DUSP9: variants seen among roughly 807,000 people sequenced by gnomAD.
The protein encoded by DUSP9 is dual specificity protein phosphatase 9.
A neutral mutation model predicts 13.2 loss-of-function variants in DUSP9; 4 were observed. The observed-to-expected ratio is 0.30, with a 90% confidence interval of 0.15 to 0.69. DUSP9 has a LOEUF of 0.69. DUSP9 is among the 30% of genes least tolerant of loss of function. The pLI is 0.73. For missense variants in DUSP9, 263 were observed against 355.0 expected (o/e 0.74, Z 2.08); for synonymous variants, 166 against 172.3 (o/e 0.96, Z 0.29).
At chrX:153,649,760 C>A in intron 3 of DUSP9, 73 bp downstream of exon 3, 1 of 920,208 alleles carries the variant, frequency 1.1e-6, no homozygotes, top group Non-Finnish European at 1.5e-6. Context: ...TGTGAGTACT[C>A]CTCCCAAGCC....
upstream of DUSP9, among the ~76,000 whole-genome samples, chrX:153,644,711 A>G (rs1344579467): frequency 8.9e-6 from 1 of 112,489 alleles, no homozygotes; most frequent in Non-Finnish European, 1.9e-5. Context: ...CTCCGCAGTT[A>G]GGTGCAGGGG....
upstream of DUSP9, among the ~76,000 whole-genome samples, chrX:153,645,042 C>T (rs1006549746): frequency 2.7e-5 from 3 of 113,079 alleles, no homozygotes; most frequent in Non-Finnish European, 3.7e-5. Context: ...TCTGAGCTCC[C>T]ACCCACAGCT....
upstream of DUSP9, among the ~76,000 whole-genome samples, chrX:153,646,986 G>A (rs1282383385): frequency 5.3e-5 from 6 of 112,432 alleles, no homozygotes; most frequent in Admixed American, 4.6e-4. Context: ...CCGGCCAGGG[G>A]AGCCGCAGCT....
chrX:153,647,456 A>C, intron 1 of DUSP9, 31 bp downstream of exon 1: 1 of 96,181 alleles, frequency 1.0e-5, no homozygotes, highest in Non-Finnish European at 2.1e-5. Flanking sequence ...TCCTAGGGGT[A>C]GGGGGAGATG....
rs2091194390 is a variant in DUSP9 at position 153,647,874 on chromosome X, C to T, written c.-35-45C>T. On this transcript the variant is annotated intron_variant, in intron 1 of 3. Transcript: ENST00000342782. ...GGGGCCGGCTTCAAGTCTGAGCCCC[C>T]TCGGCCCTCCGGTAGCTCACACCGC... 2.1e-6 allele frequency: 2 copies of T among 943,531 alleles called. 1 individual carries two copies. The highest frequency in any genetic ancestry group is 2.7e-6 in the Non-Finnish European group (2 of 754,524). 77.8% of individuals were successfully genotyped at this position (943,531 alleles called of 1,213,427 possible). A position where few individuals can be genotyped will look rare whatever the true frequency, so the allele number is the denominator to read the frequency against.
intron 2 of DUSP9, 67 bp from the exon 3 acceptor site, chrX:153,649,165 C>T (rs1569538010): frequency 2.8e-6 from 3 of 1,067,449 alleles, no homozygotes; most frequent in Non-Finnish European, 2.6e-6. Context: ...ATCTCCCCAG[C>T]CCCAGACAGA....
At position 153,650,325 on chromosome X, in the gene DUSP9, C is replaced by T. The variant is rs782021024; in HGVS notation, c.*20C>T. 2.0e-4 allele frequency: 216 copies of T among 1,088,163 alleles called. No homozygotes were observed. The highest frequency in any genetic ancestry group is 2.4e-4 in the Non-Finnish European group (195 of 817,465). The allele number at this position is 1,088,163 out of a possible 1,213,427, so 89.7% of individuals were successfully genotyped here. On this transcript the variant is annotated 3_prime_UTR_variant, in exon 4 of 4. Coordinates refer to ENST00000342782, the MANE Select transcript of DUSP9 (RefSeq NM_001318503.2). The stretch of plus-strand genomic sequence containing the variant: ...ACCTAGGGCCCCGTGGCCGGCAGGC[C>T]GGCCCCTGCCCCACCCCCACCCACG...
chrX:153,647,005 G>C (rs1296713455), upstream of DUSP9, among the ~76,000 whole-genome samples: 2 of 112,272 alleles, frequency 1.8e-5, no homozygotes, highest in Non-Finnish European at 3.8e-5. Flanking sequence ...CTGGTCCCCT[G>C]CTGGGCCCCT....
At chrX:153,645,222 C>G (rs2091184141), upstream of DUSP9, among the ~76,000 whole-genome samples, 1 of 112,965 alleles carries the variant, frequency 8.9e-6, no homozygotes, top group Non-Finnish European at 1.9e-5. Context: ...CTACTGGCTC[C>G]GAGTTGGGAA....
chrX:153,642,566 C>G (rs970617054), upstream of DUSP9: 1 of 112,350 alleles, frequency 8.9e-6, no homozygotes, highest in South Asian at 3.6e-4. Flanking sequence ...GGAAACTTCC[C>G]GGCCGCGACG....
At chrX:153,647,591 G>C (rs1471226591) in intron 1 of DUSP9, 166 bp downstream of exon 1, 4 of 132,171 alleles carry the variant, frequency 3.0e-5, no homozygotes, top group Non-Finnish European at 4.5e-5. Flanking sequence ...CTCCTCGCAC[G>C]CACACCCCCA....
Position 153,650,343 on chromosome X carries a change from C to T in DUSP9, c.*38C>T. Reference sequence around the variant, plus strand: ...GGCAGGCCGGCCCCTGCCCCACCCCCACCCACGGGTGTCCCTGCCCACTCG... The same window carrying T: ...GGCAGGCCGGCCCCTGCCCCACCCCTACCCACGGGTGTCCCTGCCCACTCG... On this transcript the variant is annotated 3_prime_UTR_variant, in exon 4 of 4. Transcript: ENST00000342782. 9.9e-7 allele frequency: 1 copy of T among 1,008,608 alleles called. No homozygotes were observed. The highest frequency in any genetic ancestry group is 3.2e-5 in the Admixed American group (1 of 31,512). The allele number at this position is 1,008,608 out of a possible 1,213,427, so 83.1% of individuals were successfully genotyped here. A position where few individuals can be genotyped will look rare whatever the true frequency, so the allele number is the denominator to read the frequency against.
At chrX:153,647,898 G>A in intron 1 of DUSP9, 21 bp from the exon 2 acceptor site, 3 of 977,938 alleles carry the variant, frequency 3.1e-6, no homozygotes, top group Non-Finnish European at 3.9e-6. Flanking sequence ...AGCTCACACC[G>A]CGCCTTCTCT....
In DUSP9 at chrX:153,650,670, T is replaced by TCCCGCCCCTGTCCCCAAGG; in HGVS notation, c.*365_*366insCCCGCCCCTGTCCCCAAGG. 1 of 73,441 alleles carries TCCCGCCCCTGTCCCCAAGG rather than the reference T, an allele frequency of 1.4e-5. No individual in the cohort carries two copies. The highest frequency in any genetic ancestry group is 3.5e-5 in the Non-Finnish European group (1 of 28,352). 6.1% of individuals were successfully genotyped at this position (73,441 alleles called of 1,213,427 possible). On this transcript the variant is annotated 3_prime_UTR_variant, in exon 4 of 4. Coordinates refer to ENST00000342782, the MANE Select transcript of DUSP9 (RefSeq NM_001318503.2). ...GCCACCTCGTTGCACTGGATCCCAGTGGCTGCTTGGGGGAGAGGCGTTTGC... is the reference window on the plus strand; with the variant it reads ...GCCACCTCGTTGCACTGGATCCCAGTCCCGCCCCTGTCCCCAAGGGGCTGCTTGGGGGAGAGGCGTTTGC...
At chrX:153,643,392 G>C (rs1161817548), upstream of DUSP9, 2 of 321,060 alleles carry the variant, frequency 6.2e-6, no homozygotes, top group Admixed American at 7.5e-5. Context: ...TCCCTGCCAG[G>C]CACCTCTGGC....
upstream of DUSP9, chrX:153,643,593 G>T (rs72616448): frequency 2.2e-5 from 7 of 316,185 alleles, no homozygotes; most frequent in Non-Finnish European, 2.5e-5. Context: ...GAGAGAGCCC[G>T]GCGCTGAAAT....
upstream of DUSP9, chrX:153,647,161 C>A (rs1557035627): frequency 3.5e-5 from 4 of 113,008 alleles, no homozygotes; most frequent in Non-Finnish European, 7.5e-5. Context: ...CCGCCCCGGC[C>A]CGCCCCTCGG....
At position 153,650,072 on chromosome X, in the gene DUSP9, A is replaced by C. The variant is rs1557036254; in HGVS notation, c.922A>C (p.Lys308Gln). 3.3e-6 allele frequency: 4 copies of C among 1,211,367 alleles called. No individual in the cohort carries two copies. The highest frequency in any genetic ancestry group is 4.5e-6 in the Non-Finnish European group (4 of 895,404). Residue 308 changes from lysine (K) to glutamine (Q), a missense_variant, in exon 4 of 4, where the codon AAG (lysine) becomes CAG (glutamine). Transcript: ENST00000342782. ...VTVTVAYLMQ[K>Q]LHLSLNDAYD... ...CGTCACTGTGGCCTACCTCATGCAG[A>C]AGCTCCACCTCTCTCTCAACGATGC...
rs782724919 is a variant in DUSP9, at chrX:153,647,846, C to G, written c.-35-73C>G. On this transcript the variant is annotated intron_variant, in intron 1 of 3. Coordinates refer to ENST00000342782, the MANE Select transcript of DUSP9 (RefSeq NM_001318503.2). ...GGACCCTGGGCTCCCGCCTTCAGGACGCGGGGCCGGCTTCAAGTCTGAGCC... is the reference window on the plus strand; with the variant it reads ...GGACCCTGGGCTCCCGCCTTCAGGAGGCGGGGCCGGCTTCAAGTCTGAGCC... The G allele has an allele frequency of 8.3e-5, 73 of 880,665 alleles. No homozygotes were observed. The African/African-American group carries it at 1.4e-3, about 17-fold the overall frequency. 72.6% of individuals were successfully genotyped at this position (880,665 alleles called of 1,213,427 possible).
Sources: gnomAD v4.1 joint callset for allele counts (sites outside exome capture counted in the v4.1 genomes callset) on GRCh38, gnomAD v4.1.1 for gene constraint, MANE v1.5 for transcripts, NCBI Gene and HGNC (gene_info 2026-07-23, HGNC 2026-07-21) for gene names.